MON2: variants seen among roughly 807,000 people sequenced by gnomAD.
MON2 encodes protein MON2 homolog.
In MON2, 84 loss-of-function variants were observed where a neutral mutation model predicts 208.6. The ratio of observed to expected loss-of-function variants is 0.40; its 90% CI spans 0.34 to 0.48. The LOEUF is 0.48. Ranked by LOEUF, MON2 falls within the 20% of genes least tolerant of loss-of-function variation. The pLI is 0.59. For missense variants in MON2, 1,611 were observed against 2,015.4 expected (o/e 0.80, Z 3.84); for synonymous variants, 660 against 694.0 (o/e 0.95, Z 0.77).
At chr12:62,589,192 G>A (rs2075313949) in intron 34 of MON2, among the ~76,000 whole-genome samples, 1 of 152,304 alleles carries the variant, frequency 6.6e-6, no homozygotes, top group Non-Finnish European at 1.5e-5. Flanking sequence ...ATATAAATCA[G>A]ATGTGTCACT....
In MON2 at chr12:62,498,925, G is replaced by A. The variant is rs1378968241; in HGVS notation, c.442G>A (p.Val148Ile). 2 of 1,595,418 alleles carry A rather than the reference G, an allele frequency of 1.3e-6. No homozygotes were observed. The highest frequency in any genetic ancestry group is 1.7e-6 in the Non-Finnish European group (2 of 1,172,292). Reference protein sequence around the residue: ...VHDEALSKAIVLCFRLHFTKD... With the variant: ...VHDEALSKAIILCFRLHFTKD... ...ATGAAAATTGTGTTTTCAGGCAATC[G>A]TTCTTTGTTTTCGACTACACTTCAC... Residue 148 changes from valine to isoleucine, a missense_variant, in exon 5 of 35, where the codon GTT becomes ATT. Coordinates refer to ENST00000393630, the MANE Select transcript of MON2 (RefSeq NM_015026.3).
At chr12:62,506,706 A>G (rs915436134) in intron 7 of MON2, among the ~76,000 whole-genome samples, 2 of 147,584 alleles carry the variant, frequency 1.4e-5, no homozygotes, top group Non-Finnish European at 3.0e-5. Context: ...AGCCTGGGTA[A>G]CAGAGTGAAA....
At chr12:62,544,706 T>A in intron 20 of MON2, 192 bp from the exon 21 acceptor site, 2 of 1,398,884 alleles carry the variant, frequency 1.4e-6, no homozygotes, top group Non-Finnish European at 1.9e-6. Context: ...TCTCTGTGAA[T>A]TGTTTTAGTT....
chr12:62,488,898 T>C (rs1052984675), intron 2 of MON2, among the ~76,000 whole-genome samples: 2 of 152,124 alleles, frequency 1.3e-5, no homozygotes, highest in Non-Finnish European at 2.9e-5. Flanking sequence ...ATACCTAATG[T>C]AGATGATAGG....
Position 62,560,494 on chromosome 12 carries a change from A to AT in MON2, c.3418dup (p.Ser1140PhefsTer9), listed in dbSNP as rs2074160551. On this transcript the variant is annotated frameshift_variant, in exon 26 of 35. Transcript: ENST00000393630. LOFTEE classifies it high-confidence loss of function. Reference sequence around the variant, plus strand: ...TTTTTTTCTCTTCCTAATATAGGAGATTTTTCAAGAGCTTGGGATGTTCTT... The same window carrying AT: ...TTTTTTTCTCTTCCTAATATAGGAGATTTTTTCAAGAGCTTGGGATGTTCTT... 1 of 1,591,248 alleles carries AT rather than the reference A, an allele frequency of 6.3e-7. No homozygotes were observed. Among genetic ancestry groups the AT allele is most frequent in the African/African-American group, 1.4e-5 (1 of 73,228 alleles).
At chr12:62,482,636 A>G (rs990384130) in intron 1 of MON2, 3 of 152,236 alleles carry the variant, frequency 2.0e-5, no homozygotes, top group East Asian at 1.9e-4. Flanking sequence ...CCAAGTTTCT[A>G]TGATGGAAAT....
chr12:62,509,514 A>G (rs2071284748), intron 8 of MON2, among the ~76,000 whole-genome samples: 1 of 152,222 alleles, frequency 6.6e-6, no homozygotes, highest in Admixed American at 6.5e-5. Context: ...TAAGGAAACA[A>G]AGGACTCGAA....
In MON2 at chr12:62,549,543, G is replaced by A. The variant is rs140278376; in HGVS notation, c.2754-125G>A. ...GAGGTGGGAGGATCACATGATCCAG[G>A]GAGGTTGAGAGTGAGGCATGATCGC... On this transcript the variant is annotated intron_variant, in intron 22 of 34. Coordinates refer to ENST00000393630, the MANE Select transcript of MON2 (RefSeq NM_015026.3). The A allele has an allele frequency of 5.3e-5, 37 of 698,402 alleles. No individual in the cohort carries two copies. The African/African-American group carries it at 5.3e-4, about 10-fold the overall frequency. 43.3% of individuals were successfully genotyped at this position (698,402 alleles called of 1,614,324 possible). A position where few individuals can be genotyped will look rare whatever the true frequency, so the allele number is the denominator to read the frequency against.
In MON2 at chr12:62,571,195, A is replaced by T. The variant is rs73124308; in HGVS notation, c.4324-197A>T. Among the ~76,000 whole-genome samples, 7,409 of 152,276 alleles carry T rather than the reference A, an allele frequency of 0.049. 209 individuals carry two copies. Among genetic ancestry groups the T allele is most frequent in the Middle Eastern group, 0.075 (22 of 294 alleles). Reference sequence around the variant, plus strand: ...TAAGATAGAGATAGGATTTAAAAGTATATCTTTCCAGGCAGTATTTGAGGA... The same window carrying T: ...TAAGATAGAGATAGGATTTAAAAGTTTATCTTTCCAGGCAGTATTTGAGGA... On this transcript the variant is annotated intron_variant, in intron 29 of 34. Transcript: ENST00000393630.
At chr12:62,514,136 A>G (rs1333924057) in intron 8 of MON2, among the ~76,000 whole-genome samples, 2 of 152,118 alleles carry the variant, frequency 1.3e-5, no homozygotes, top group African/African-American at 4.8e-5. Context: ...ATCTGAGACC[A>G]TCTCATCCTG....
At chr12:62,591,192 A>C (rs1226161765) in intron 34 of MON2, among the ~76,000 whole-genome samples, 1 of 152,186 alleles carries the variant, frequency 6.6e-6, no homozygotes, top group Admixed American at 6.5e-5. Flanking sequence ...TGGCTTTTTG[A>C]CTTTTGTATT....
chr12:62,567,108 A>G (rs927848909), intron 29 of MON2, among the ~76,000 whole-genome samples: 7 of 152,110 alleles, frequency 4.6e-5, no homozygotes, highest in African/African-American at 1.7e-4. Flanking sequence ...CCATTCCTCT[A>G]AGGCTTATTT....
Position 62,532,491 on chromosome 12 carries a change from T to C in MON2, c.1454T>C (p.Met485Thr). Residue 485 changes from methionine (M) to threonine (T), a missense_variant, in exon 12 of 35, where the codon ATG (methionine) becomes ACG (threonine). Physicochemically the swap from Met to Thr is moderately conservative, Grantham distance 81. Coordinates refer to ENST00000393630, the MANE Select transcript of MON2 (RefSeq NM_015026.3). ...EPPTIPEGYA[M>T]SVAFHCLLDL... Reference sequence around the variant, plus strand: ...CCAACTATACCTGAAGGTTACGCCATGTCTGTGGCATTCCATTGTTTGCTA... The same window carrying C: ...CCAACTATACCTGAAGGTTACGCCACGTCTGTGGCATTCCATTGTTTGCTA... The C allele has an allele frequency of 6.2e-7, 1 of 1,614,198 alleles. No homozygotes were observed.
intron 26 of MON2, among the ~76,000 whole-genome samples, chr12:62,562,586 T>G (rs2074238854): frequency 6.6e-6 from 1 of 152,118 alleles, no homozygotes; most frequent in African/African-American, 2.4e-5. Context: ...TAGTATCTCC[T>G]AACAGAAAAA....
At chr12:62,469,833 CA>C (rs2068695701) in intron 1 of MON2, among the ~76,000 whole-genome samples, 1 of 151,848 alleles carries the variant, frequency 6.6e-6, no homozygotes, top group African/African-American at 2.4e-5. Flanking sequence ...GTCTTTATTT[CA>C]AATTTTTAGT....
intron 2 of MON2, among the ~76,000 whole-genome samples, chr12:62,489,075 T>C (rs955358715): frequency 2.6e-5 from 4 of 152,158 alleles, no homozygotes; most frequent in African/African-American, 9.6e-5. Context: ...TTTAACAATT[T>C]CCTTATGTTA....
At chr12:62,524,485 G>T (rs373885888) in intron 8 of MON2, 30 bp from the exon 9 acceptor site, 55 of 1,548,982 alleles carry the variant, frequency 3.6e-5, no homozygotes, top group Non-Finnish European at 4.8e-5. Context: ...TTGATTCAAA[G>T]AAATAGTATT....
Position 62,538,003 on chromosome 12 carries a change from G to A in MON2, c.2119-93G>A. 2.7e-6 allele frequency: 3 copies of A among 1,101,748 alleles called. No individual in the cohort carries two copies. In the African/African-American group the frequency reaches 4.8e-5, roughly 18 times the overall value. 68.2% of individuals were successfully genotyped at this position (1,101,748 alleles called of 1,614,324 possible). On this transcript the variant is annotated intron_variant, in intron 16 of 34. Coordinates refer to ENST00000393630, the MANE Select transcript of MON2 (RefSeq NM_015026.3). ...AAACCTACTACTGATTTTAATTTTG[G>A]TTGCTAGAAGTTACTACTGATTTTA...
At position 62,545,014 on chromosome 12, in the gene MON2, A is replaced by G. The variant is rs764789248; in HGVS notation, c.2577+6A>G. 1.3e-6 allele frequency: 2 copies of G among 1,533,768 alleles called. No individual in the cohort carries two copies. The highest frequency in any genetic ancestry group is 2.1e-5 in the Admixed American group (1 of 47,672). ...CTCCACTCTCACAAAACCAGGTAAT[A>G]AAAACCTTACTTTTTAAAAAGAATA... On this transcript the variant is annotated splice_donor_region_variant and intron_variant, in intron 21 of 34. Transcript: ENST00000393630.
Sources: allele counts gnomAD v4.1 joint callset (sites outside exome capture counted in the v4.1 genomes callset), GRCh38; gene constraint gnomAD v4.1.1; transcripts MANE v1.5; gene names NCBI Gene and HGNC (gene_info 2026-07-23, HGNC 2026-07-21).